ALKBH8: variants seen among roughly 807,000 people sequenced by gnomAD.
The protein encoded by ALKBH8 is tRNA (carboxymethyluridine(34)-5-O)-methyltransferase ALKBH8.
In ALKBH8, 36 loss-of-function variants were observed where a neutral mutation model predicts 59.8. That is an observed-to-expected ratio of 0.60 (90% CI 0.46 to 0.79). The LOEUF is 0.79. Among genes scored for constraint, ALKBH8 ranks in the 30% least tolerant of loss-of-function variants. The probability of loss-of-function intolerance (pLI) is 0.00; values close to 1 mark genes in which losing one functional copy is unlikely to be tolerated. For synonymous variants in ALKBH8, 276 were observed against 273.6 expected, an observed-to-expected ratio of 1.01 and a Z score of -0.09; for missense variants, 768 against 801.0, an observed-to-expected ratio of 0.96 and a Z score of 0.50.
intron 10 of ALKBH8, among the ~76,000 whole-genome samples, chr11:107,514,399 T>C (rs1591253542): frequency 6.6e-6 from 1 of 152,188 alleles, no homozygotes; most frequent in African/African-American, 2.4e-5. Context: ...TTGTAATCGG[T>C]ATTAAACAGC....
intron 1 of ALKBH8, among the ~76,000 whole-genome samples, chr11:107,562,130 T>C (rs1032160113): frequency 2.6e-5 from 4 of 152,040 alleles, no homozygotes; most frequent in Admixed American, 2.6e-4. Context: ...AAACTCTGTC[T>C]CTACTAAAAG....
In ALKBH8 at chr11:107,522,450, T is replaced by C. The variant is rs933376320; in HGVS notation, c.1136A>G (p.Tyr379Cys). 4.5e-6 allele frequency: 7 copies of C among 1,551,674 alleles called. No homozygotes were observed. The East Asian group carries it at 7.3e-5, about 16-fold the overall frequency. Residue 379 changes from tyrosine to cysteine, a missense_variant, in exon 10 of 12, where the codon TAT becomes TGT. Physicochemically the swap from Tyr to Cys is radical, Grantham distance 194. Transcript: ENST00000428149. ...GCTGAAGTGCCCAGCAATCTCTTCATAAACCTGATGGACGTACTCTTGCTC... is the reference window on the plus strand; with the variant it reads ...GCTGAAGTGCCCAGCAATCTCTTCACAAACCTGATGGACGTACTCTTGCTC... ...RLEQEYVHQV[Y>C]EEIAGHFSST...
chr11:107,535,839 T>C (rs1053722807), intron 7 of ALKBH8, among the ~76,000 whole-genome samples: 1 of 150,862 alleles, frequency 6.6e-6, no homozygotes, highest in African/African-American at 2.4e-5. Context: ...TACCACTGAG[T>C]GAGTGAGGGT....
At chr11:107,557,787 G>A (rs1343676934) in intron 2 of ALKBH8, among the ~76,000 whole-genome samples, 1 of 152,190 alleles carries the variant, frequency 6.6e-6, no homozygotes, top group Non-Finnish European at 1.5e-5. Context: ...TTGCAGGGAT[G>A]AAAGAGGAGT....
intron 1 of ALKBH8, among the ~76,000 whole-genome samples, chr11:107,561,193 C>A (rs1250418166): frequency 6.6e-6 from 1 of 151,992 alleles, no homozygotes; most frequent in African/African-American, 2.4e-5. Flanking sequence ...TTATGAGGTC[C>A]TAAGTAAAAT....
At chr11:107,534,876 T>C (rs184686189) in intron 7 of ALKBH8, among the ~76,000 whole-genome samples, 192 of 152,202 alleles carry the variant, frequency 1.3e-3, no homozygotes, top group South Asian at 9.3e-3. Flanking sequence ...GTGTACACTG[T>C]ACCCAATGTG....
chr11:107,546,471 C>G (rs532668994), intron 7 of ALKBH8, among the ~76,000 whole-genome samples: 1 of 152,028 alleles, frequency 6.6e-6, no homozygotes, highest in East Asian at 1.9e-4. Context: ...TCATATAACC[C>G]GATGCAGCCT....
chr11:107,522,469 C>G lies in ALKBH8; in HGVS notation c.1117G>C (p.Glu373Gln), dbSNP rs1338036737. 6.4e-7 allele frequency: 1 copy of G among 1,551,710 alleles called. No individual in the cohort carries two copies. Among genetic ancestry groups the G allele is most frequent in the Non-Finnish European group, 8.7e-7 (1 of 1,147,006 alleles). Residue 373 changes from glutamate to glutamine, a missense_variant, in exon 10 of 12, where the codon GAG (glutamate) becomes CAG (glutamine). Physicochemically the swap from Glu to Gln is conservative, Grantham distance 29. Coordinates refer to ENST00000428149, the MANE Select transcript of ALKBH8 (RefSeq NM_138775.3). ...TCTTCATAAACCTGATGGACGTACT[C>G]TTGCTCCAGCCGTGAGGCTTCTTTA... is the stretch of plus-strand genomic sequence containing the variant. The part of the protein sequence containing the change: ...SDKEASRLEQ[E>Q]YVHQVYEEIA...
chr11:107,538,303 C>G (rs966865817), intron 7 of ALKBH8, among the ~76,000 whole-genome samples: 3 of 151,760 alleles, frequency 2.0e-5, no homozygotes, highest in Admixed American at 2.0e-4. Flanking sequence ...TACAACATTC[C>G]ATCATCAAAA....
chr11:107,526,102 C>G (rs927525915), intron 8 of ALKBH8, among the ~76,000 whole-genome samples: 1 of 151,872 alleles, frequency 6.6e-6, no homozygotes, highest in African/African-American at 2.4e-5. Flanking sequence ...TAGTTTTATT[C>G]CTCTTGGGTA....
chr11:107,521,935 T>G lies in ALKBH8; in HGVS notation c.1287+364A>C, dbSNP rs368905071. 2.6e-5 allele frequency among the ~76,000 whole-genome samples: 4 copies of G among 152,254 alleles called. No individual in the cohort carries two copies. The East Asian group carries it at 5.8e-4, about 22-fold the overall frequency. ...TCACTGTGAGCCCCAATTTCTTCAT[T>G]TACAAAAGATGGATGAAAATATCAG... On this transcript the variant is annotated intron_variant, in intron 10 of 11. Coordinates refer to ENST00000428149, the MANE Select transcript of ALKBH8 (RefSeq NM_138775.3).
intron 7 of ALKBH8, among the ~76,000 whole-genome samples, chr11:107,543,642 C>A (rs191737570): frequency 5.9e-5 from 9 of 152,000 alleles, no homozygotes; most frequent in Admixed American, 2.0e-4. Flanking sequence ...TGCCAGTTAC[C>A]CTTATCATTG....
Position 107,560,775 on chromosome 11 carries a change from T to C in ALKBH8, c.119A>G (p.Tyr40Cys). The C allele has an allele frequency of 1.2e-6, 2 of 1,611,744 alleles. No individual in the cohort carries two copies. Among genetic ancestry groups the C allele is most frequent in the Admixed American group, 1.7e-5 (1 of 59,688 alleles). Residue 40 changes from tyrosine to cysteine, a missense_variant, in exon 2 of 12, where the codon TAT becomes TGT. By Grantham distance (194) the Tyr-to-Cys change is radical. Transcript: ENST00000428149. ...GTAGTTTTAGGTCACCTGAGTGGCA[T>C]AGGATACTGTCTCAATGCCTTCATG... ...LRHEGIETVSYATQSLVVANG... is the reference protein window; with the variant it reads ...LRHEGIETVSCATQSLVVANG...
intron 4 of ALKBH8, 56 bp from the exon 5 acceptor site, chr11:107,553,259 C>A: frequency 8.4e-7 from 1 of 1,187,138 alleles, no homozygotes; most frequent in East Asian, 2.5e-5. Context: ...CATTCCTTTG[C>A]ATATTTCAGT....
At chr11:107,507,498 T>C (rs1862438675) in intron 11 of ALKBH8, among the ~76,000 whole-genome samples, 1 of 152,126 alleles carries the variant, frequency 6.6e-6, no homozygotes, top group South Asian at 2.1e-4. Flanking sequence ...ATAAAAATGG[T>C]TGAAAAAAAG....
intron 11 of ALKBH8, among the ~76,000 whole-genome samples, chr11:107,509,059 AT>A (rs1380678385): frequency 1.3e-5 from 2 of 152,188 alleles, no homozygotes. Context: ...TGGTAATTCT[AT>A]GTTCAACTTT....
chr11:107,534,717 A>C (rs1346028308), intron 7 of ALKBH8, among the ~76,000 whole-genome samples: 2 of 151,904 alleles, frequency 1.3e-5, no homozygotes, highest in Admixed American at 6.6e-5. Context: ...AAATAAGCTA[A>C]ATGTTTTTCT....
rs1865102206 is a variant in ALKBH8 at position 107,565,595 on chromosome 11, A to G, written c.-7+6T>C. 1 of 1,535,740 alleles carries G rather than the reference A, an allele frequency of 6.5e-7. No homozygotes were observed. The highest frequency in any genetic ancestry group is 8.7e-7 in the Non-Finnish European group (1 of 1,146,912). ...CGTATGCCCGCCAGTAAGAAGTGCCACACACCTCCGCTTCGGCTCAGGCCG... is the reference window on the plus strand; with the variant it reads ...CGTATGCCCGCCAGTAAGAAGTGCCGCACACCTCCGCTTCGGCTCAGGCCG... On this transcript the variant is annotated splice_donor_region_variant and intron_variant, in intron 1 of 11. Coordinates refer to ENST00000428149, the MANE Select transcript of ALKBH8 (RefSeq NM_138775.3).
chr11:107,534,139 T>A (rs909982432), intron 7 of ALKBH8, among the ~76,000 whole-genome samples: 2 of 151,836 alleles, frequency 1.3e-5, no homozygotes, highest in Non-Finnish European at 2.9e-5. Context: ...CACCAAAAAA[T>A]AAATAAATAA....
Sources: gnomAD v4.1 joint callset for allele counts (sites outside exome capture counted in the v4.1 genomes callset) on GRCh38, gnomAD v4.1.1 for gene constraint, MANE v1.5 for transcripts, NCBI Gene and HGNC (gene_info 2026-07-23, HGNC 2026-07-21) for gene names.